FNBP1: variants seen among roughly 807,000 people sequenced by gnomAD.
FNBP1 encodes the protein formin-binding protein 1.
FNBP1 carries 26 observed loss-of-function variants against 90.6 expected under a neutral mutation model. That is an observed-to-expected ratio of 0.29 (90% CI 0.21 to 0.40). FNBP1 has a LOEUF of 0.40. Among genes scored for constraint, FNBP1 ranks in the 10% least tolerant of loss-of-function variants. The pLI, the probability that FNBP1 is intolerant of heterozygous loss-of-function variation, is 1.00. For missense variants in FNBP1, 635 were observed against 768.0 expected, an observed-to-expected ratio of 0.83 and a Z score of 2.05; for synonymous variants, 260 against 265.2, an observed-to-expected ratio of 0.98 and a Z score of 0.19.
In FNBP1 at chr9:129,900,196, G is replaced by A. The variant is rs1013974748; in HGVS notation, c.1551-95C>T. The A allele has an allele frequency of 1.9e-5, 26 of 1,355,546 alleles. No homozygotes were observed. Among genetic ancestry groups the A allele is most frequent in the Admixed American group, 5.7e-5 (2 of 34,942 alleles). The allele number at this position is 1,355,546 out of a possible 1,614,324, so 84.0% of individuals were successfully genotyped here. On this transcript the variant is annotated intron_variant, in intron 14 of 16. Transcript: ENST00000446176. The surrounding 1 kb of genome is among the most constrained non-coding windows in gnomAD (Gnocchi z 4.1). ...GCGACTGGAGAGCACTTGCAACCCC[G>A]CCCCTCAGCGAGTGCTGTAACTGAG...
chr9:130,004,925 G>C (rs2055430193), intron 1 of FNBP1, among the ~76,000 whole-genome samples: 1 of 152,068 alleles, frequency 6.6e-6, no homozygotes, highest in Non-Finnish European at 1.5e-5. Flanking sequence ...AATTAGCCAT[G>C]CATGGTGGCA....
At chr9:130,014,196 G>A (rs1357602654) in intron 1 of FNBP1, among the ~76,000 whole-genome samples, 1 of 151,944 alleles carries the variant, frequency 6.6e-6, no homozygotes. Flanking sequence ...TGATCAGGGA[G>A]GGGCCAGCAG....
chr9:129,936,485 A>T (rs1029281096), intron 6 of FNBP1: 1 of 152,014 alleles, frequency 6.6e-6, no homozygotes, highest in African/African-American at 2.4e-5. Context: ...TCCTCCCCAA[A>T]CTACCTGAGC....
intron 1 of FNBP1, among the ~76,000 whole-genome samples, chr9:130,036,338 A>C (rs2059308994): frequency 6.6e-6 from 1 of 152,224 alleles, no homozygotes; most frequent in Non-Finnish European, 1.5e-5. Flanking sequence ...TCAAAGAAGC[A>C]CTTTCCATGT....
At chr9:129,968,286 G>C (rs576924221) in intron 4 of FNBP1, among the ~76,000 whole-genome samples, 3 of 151,778 alleles carry the variant, frequency 2.0e-5, no homozygotes, top group South Asian at 4.2e-4. Context: ...TCCCAGCTAT[G>C]GGGGAGGCTG....
intron 6 of FNBP1, among the ~76,000 whole-genome samples, chr9:129,935,186 C>T (rs532613211): frequency 2.8e-4 from 42 of 149,476 alleles, no homozygotes; most frequent in Middle Eastern, 3.4e-3. Flanking sequence ...TGCAGTGGCA[C>T]CATCATAGCT....
intron 2 of FNBP1, among the ~76,000 whole-genome samples, chr9:129,988,549 C>T (rs929484981): frequency 1.3e-5 from 2 of 151,938 alleles, no homozygotes; most frequent in Admixed American, 1.3e-4. Context: ...TGGTGGTGTG[C>T]GCCTGTAGTC....
intron 6 of FNBP1, among the ~76,000 whole-genome samples, chr9:129,935,121 ATT>A (rs11410932): frequency 6.8e-4 from 86 of 127,002 alleles, no homozygotes; most frequent in Middle Eastern, 8.3e-3. Flanking sequence ...TGTTTAGCTC[ATT>A]TTTTTTTTTT....
chr9:130,039,478 C>T (rs74372489), intron 1 of FNBP1, among the ~76,000 whole-genome samples: 1 of 151,988 alleles, frequency 6.6e-6, no homozygotes, highest in Non-Finnish European at 1.5e-5. Flanking sequence ...AGTTCGAGAC[C>T]AGCCTGGCCA....
intron 2 of FNBP1, among the ~76,000 whole-genome samples, chr9:129,991,266 G>A (rs1044325758): frequency 6.8e-6 from 1 of 148,072 alleles, no homozygotes; most frequent in East Asian, 2.3e-4. Context: ...CTAGGTCGTG[G>A]AAATGCAGAT....
In FNBP1 at chr9:130,029,488, T is replaced by C. The variant is rs145682238; in HGVS notation, c.24+13464A>G. ...TGAATAAGTCATTACTAGAAAACCA[T>C]AGAGAACAAAGAGTACCTTAAAATG... On this transcript the variant is annotated intron_variant, in intron 1 of 16. Coordinates refer to ENST00000446176, the MANE Select transcript of FNBP1 (RefSeq NM_015033.3). 1.9e-4 allele frequency among the ~76,000 whole-genome samples: 29 copies of C among 152,238 alleles called. No individual in the cohort carries two copies. The East Asian group carries it at 4.4e-3, about 23-fold the overall frequency.
At chr9:130,011,825 G>T (rs564363201) in intron 1 of FNBP1, among the ~76,000 whole-genome samples, 1 of 152,232 alleles carries the variant, frequency 6.6e-6, no homozygotes, top group East Asian at 1.9e-4. Context: ...ATATATTATA[G>T]ATATATCAAT....
intron 10 of FNBP1, 75 bp from the exon 11 acceptor site, chr9:129,916,055 A>C (rs1402337512): frequency 1.9e-6 from 2 of 1,049,500 alleles, no homozygotes; most frequent in Non-Finnish European, 2.9e-6. Flanking sequence ...AAACAACAAC[A>C]CATCAGAAGA....
At chr9:129,982,867 T>C (rs2051500521) in intron 2 of FNBP1, among the ~76,000 whole-genome samples, 1 of 152,154 alleles carries the variant, frequency 6.6e-6, no homozygotes, top group South Asian at 2.1e-4. Context: ...TCTTGCCATG[T>C]TGCTGAGGCT....
chr9:129,887,981 C>T lies in FNBP1; in HGVS notation c.*2558G>A, dbSNP rs900933124. The T allele has an allele frequency of 6.0e-5, 14 of 232,552 alleles. No homozygotes were observed. Among genetic ancestry groups the T allele is most frequent in the African/African-American group, 2.2e-4 (10 of 45,320 alleles). 14.4% of individuals were successfully genotyped at this position (232,552 alleles called of 1,614,324 possible). The stretch of plus-strand genomic sequence containing the variant: ...GACAACTGACCTCCTCTAAGAAGCC[C>T]GGCTGGGGCAGCAGTGAGCTTTTCA... On this transcript the variant is annotated 3_prime_UTR_variant, in exon 17 of 17. Transcript: ENST00000446176.
intron 11 of FNBP1, among the ~76,000 whole-genome samples, chr9:129,912,709 A>AAG (rs2039539727): frequency 6.6e-6 from 1 of 150,928 alleles, no homozygotes; most frequent in Non-Finnish European, 1.5e-5. Flanking sequence ...AAAAAAAAAA[A>AAG]GTCACAAAAT....
intron 12 of FNBP1, among the ~76,000 whole-genome samples, chr9:129,903,746 G>T (rs2037414140): frequency 6.6e-6 from 1 of 152,070 alleles, no homozygotes; most frequent in African/African-American, 2.4e-5. Flanking sequence ...GCCCAGGCTG[G>T]TCTTGAACTC....
At chr9:129,999,604 A>G (rs1402972601) in intron 1 of FNBP1, among the ~76,000 whole-genome samples, 10 of 152,060 alleles carry the variant, frequency 6.6e-5, no homozygotes, top group Admixed American at 6.6e-4. Flanking sequence ...GTCTCAAAAA[A>G]AAAAAAAATC....
chr9:129,901,012 G>A (rs932433736), intron 13 of FNBP1, among the ~76,000 whole-genome samples: 4 of 150,548 alleles, frequency 2.7e-5, no homozygotes, highest in South Asian at 2.1e-4. Context: ...TTTTAGGAGT[G>A]TAACTTTTTT....
Sources: gnomAD v4.1 joint callset for allele counts (sites outside exome capture counted in the v4.1 genomes callset) on GRCh38, gnomAD v4.1.1 for gene constraint, Gnocchi (gnomAD v3.1) non-coding constraint, MANE v1.5 for transcripts, NCBI Gene and HGNC (gene_info 2026-07-23, HGNC 2026-07-21) for gene names.